DNAH8: variants seen among roughly 807,000 people sequenced by gnomAD.
The protein encoded by DNAH8 is dynein axonemal heavy chain 8, also known as axonemal beta dynein heavy chain 8.
Under a neutral mutation model 562.1 loss-of-function variants are expected in DNAH8, and 382 were observed. That is an observed-to-expected ratio of 0.68 (90% CI 0.63 to 0.74). The LOEUF is 0.74. DNAH8 is among the 30% of genes least tolerant of loss of function. DNAH8 has a pLI of 0.00. For synonymous variants in DNAH8, 1,881 were observed against 1,919.4 expected (o/e 0.98, Z 0.52); for missense variants, 5,203 against 5,620.4 (o/e 0.93, Z 2.37).
At chr6:38,855,862 G>C (rs113171657) in intron 41 of DNAH8, among the ~76,000 whole-genome samples, 1 of 152,070 alleles carries the variant, frequency 6.6e-6, no homozygotes, top group African/African-American at 2.4e-5. Context: ...TCAGATCAAC[G>C]GCGGCATGAG....
chr6:38,936,626 C>T (rs973500314), intron 77 of DNAH8, among the ~76,000 whole-genome samples: 3 of 152,156 alleles, frequency 2.0e-5, no homozygotes, highest in Non-Finnish European at 4.4e-5. Flanking sequence ...ACTCGCACTG[C>T]TCCCGCTAGT....
intron 16 of DNAH8, among the ~76,000 whole-genome samples, chr6:38,781,870 A>G (rs935088959): frequency 1.3e-5 from 2 of 152,120 alleles, no homozygotes; most frequent in Non-Finnish European, 2.9e-5. Flanking sequence ...AAAACAGGAC[A>G]GTCTTGGGCC....
Position 38,913,889 on chromosome 6 carries a change from ACT to A in DNAH8, c.9906_9907del (p.Gln3303GlyfsTer34). The stretch of plus-strand genomic sequence containing the variant: ...TGGAGGCAAGTGAATCTGTTGCTAA[ACT>A]CTCTCAGGATCTTGCAGTCAAGGAG... The part of the protein sequence containing the change: ...LMEASESVAK[L>X]SQDLAVKEKE... On this transcript the variant is annotated frameshift_variant, in exon 67 of 93. Transcript: ENST00000327475. LOFTEE classifies it high-confidence loss of function. 1 of 1,613,302 alleles carries A rather than the reference ACT, an allele frequency of 6.2e-7. No individual in the cohort carries two copies.
intron 24 of DNAH8, among the ~76,000 whole-genome samples, chr6:38,811,548 A>C (rs2150313624): frequency 1.3e-5 from 2 of 152,312 alleles, no homozygotes; most frequent in Middle Eastern, 6.8e-3. Context: ...TCCTCCAGAT[A>C]TGGTATTATT....
intron 43 of DNAH8, among the ~76,000 whole-genome samples, chr6:38,861,140 C>A (rs1031336146): frequency 6.6e-6 from 1 of 152,172 alleles, no homozygotes; most frequent in Non-Finnish European, 1.5e-5. Flanking sequence ...AGAAAACATT[C>A]AATAAATGTT....
chr6:38,774,604 C>T (rs1767890776), intron 12 of DNAH8, among the ~76,000 whole-genome samples: 1 of 152,164 alleles, frequency 6.6e-6, no homozygotes, highest in Non-Finnish European at 1.5e-5. Context: ...TCCAACCAAT[C>T]AACAAAATAG....
chr6:38,823,452 C>T, intron 27 of DNAH8, 110 bp from the exon 28 acceptor site: 1 of 779,610 alleles, frequency 1.3e-6, no homozygotes, highest in Non-Finnish European at 2.1e-6. Flanking sequence ...CCACTGGCCC[C>T]ATTGCACACA....
At chr6:38,793,977 A>C (rs182865029) in intron 21 of DNAH8, among the ~76,000 whole-genome samples, 19 of 152,206 alleles carry the variant, frequency 1.2e-4, no homozygotes, top group African/African-American at 4.6e-4. Context: ...TTGGTTGAGA[A>C]CCTGTTTCTT....
At chr6:38,849,575 T>C (rs1775575958) in intron 37 of DNAH8, among the ~76,000 whole-genome samples, 1 of 151,310 alleles carries the variant, frequency 6.6e-6, no homozygotes, top group African/African-American at 2.4e-5. Context: ...TTTTTTGCTT[T>C]TTTTTTTTTT....
At chr6:38,899,686 C>T (rs1561836448) in intron 61 of DNAH8, 90 bp from the exon 62 acceptor site, 2 of 1,404,650 alleles carry the variant, frequency 1.4e-6, no homozygotes, top group Non-Finnish European at 2.0e-6. Flanking sequence ...CATCTAGAAA[C>T]ATATGATCAA....
Position 38,965,131 on chromosome 6 carries a change from T to C in DNAH8, c.12452-6461T>C, listed in dbSNP as rs114799243. The stretch of plus-strand genomic sequence containing the variant: ...AAAATAAAATAATGTATAATACATA[T>C]ATGCATATATACATTTTAATATAGA... On this transcript the variant is annotated intron_variant, in intron 82 of 92. Coordinates refer to ENST00000327475, the MANE Select transcript of DNAH8 (RefSeq NM_001206927.2). 4.4e-3 allele frequency among the ~76,000 whole-genome samples: 662 copies of C among 151,502 alleles called. 2 individuals are homozygous for C. Among genetic ancestry groups the C allele is most frequent in the Non-Finnish European group, 7.7e-3 (520 of 67,772 alleles).
intron 3 of DNAH8, among the ~76,000 whole-genome samples, chr6:38,728,523 T>A (rs1211911797): frequency 6.8e-6 from 1 of 147,144 alleles, no homozygotes; most frequent in East Asian, 1.9e-4. Flanking sequence ...GCACTGCTTT[T>A]GAGAATTTGT....
At chr6:38,911,382 T>C in intron 65 of DNAH8, 86 bp from the exon 66 acceptor site, 1 of 973,398 alleles carries the variant, frequency 1.0e-6, no homozygotes, top group Non-Finnish European at 1.7e-6. Flanking sequence ...CTCTACATGA[T>C]CACACTGATT....
chr6:38,814,520 G>A (rs981276432), intron 25 of DNAH8, among the ~76,000 whole-genome samples: 2 of 152,010 alleles, frequency 1.3e-5, no homozygotes, highest in African/African-American at 4.8e-5. Context: ...GGTGGAGGTT[G>A]CAGTGAGCTG....
At chr6:38,884,780 C>CTATT (rs1331938540) in intron 56 of DNAH8, among the ~76,000 whole-genome samples, 4 of 152,236 alleles carry the variant, frequency 2.6e-5, no homozygotes, top group East Asian at 1.9e-4. Context: ...AACCAAACAA[C>CTATT]TATTTATTTA....
intron 49 of DNAH8, 97 bp downstream of exon 49, chr6:38,870,659 A>C: frequency 2.5e-6 from 3 of 1,215,638 alleles, no homozygotes; most frequent in Non-Finnish European, 3.5e-6. Context: ...ACTTGATGTA[A>C]ATGTTAAATG....
intron 52 of DNAH8, among the ~76,000 whole-genome samples, chr6:38,874,273 TCCCTCCCCTCCCCTCCCCTC>T (rs1201734819): frequency 1.2e-4 from 2 of 17,034 alleles, no homozygotes; most frequent in Non-Finnish European, 2.4e-4. Context: ...TCCCTCCCCT[TCCCTCCCCTCCCCTCCCCTC>T]CCCTCCCCTC....
At chr6:38,715,958 A>ATTTTTTTTTTTTTTT (rs1454056787) in intron 1 of DNAH8, among the ~76,000 whole-genome samples, 3 of 31,048 alleles carry the variant, frequency 9.7e-5, no homozygotes, top group African/African-American at 4.5e-4. Context: ...ATATATATAT[A>ATTTTTTTTTTTTTTT]TATTTTTTTT....
chr6:38,797,037 A>C (rs577251598), intron 21 of DNAH8, among the ~76,000 whole-genome samples: 2 of 152,348 alleles, frequency 1.3e-5, no homozygotes, highest in South Asian at 4.1e-4. Context: ...AAAATCAAGG[A>C]AATGTTATGA....
Sources: allele counts gnomAD v4.1 joint callset (sites outside exome capture counted in the v4.1 genomes callset), GRCh38; gene constraint gnomAD v4.1.1; transcripts MANE v1.5; gene names NCBI Gene and HGNC (gene_info 2026-07-23, HGNC 2026-07-21).